Variants in DENND4C observed in about 807,000 individuals in gnomAD.
The protein encoded by DENND4C is DENN domain-containing protein 4C.
In DENND4C, 108 loss-of-function variants were observed where a neutral mutation model predicts 203.0. The observed-to-expected ratio is 0.53, with a 90% CI of 0.46 to 0.62. The LOEUF is 0.62. Among genes scored for constraint, DENND4C ranks in the 20% least tolerant of loss-of-function variants. The probability of loss-of-function intolerance (pLI) is 0.00; values close to 1 mark genes in which losing one functional copy is unlikely to be tolerated. For missense variants in DENND4C, 2,481 were observed against 2,301.2 expected, an observed-to-expected ratio of 1.08 and a Z score of -1.60; for synonymous variants, 871 against 792.4, an observed-to-expected ratio of 1.10 and a Z score of -1.67.
chr9:19,308,513 T>A (rs1588888668), intron 10 of DENND4C, among the ~76,000 whole-genome samples: 1 of 152,188 alleles, frequency 6.6e-6, no homozygotes, highest in East Asian at 1.9e-4. Flanking sequence ...TGTTAGATTG[T>A]TTGTCTTTTT....
chr9:19,287,037 T>C lies in DENND4C; in HGVS notation c.558+16T>C, dbSNP rs1262115860. The C allele has an allele frequency of 2.4e-6, 3 of 1,231,936 alleles. No homozygotes were observed. The highest frequency in any genetic ancestry group is 3.1e-5 in the African/African-American group (2 of 64,422). The allele number at this position is 1,231,936 out of a possible 1,614,324, so 76.3% of individuals were successfully genotyped here. On this transcript the variant is annotated intron_variant, in intron 3 of 32. Coordinates refer to ENST00000434457, the MANE Select transcript of DENND4C (RefSeq NM_001330640.2). ...TTGTGGAATGGTAAGAATAAAGTTTTCATCTTCAAAGTTTCATATGAAACC... is the reference window on the plus strand; with the variant it reads ...TTGTGGAATGGTAAGAATAAAGTTTCCATCTTCAAAGTTTCATATGAAACC...
intron 5 of DENND4C, chr9:19,291,543 A>C (rs2131178319): frequency 6.6e-6 from 1 of 152,250 alleles, no homozygotes; most frequent in Middle Eastern, 3.4e-3. Context: ...GTCTCTACTG[A>C]AAATACAAAA....
chr9:19,351,992 C>T, intron 24 of DENND4C, 81 bp from the exon 25 acceptor site: 3 of 1,083,036 alleles, frequency 2.8e-6, no homozygotes, highest in East Asian at 2.4e-5. Flanking sequence ...ATTCTGTGTC[C>T]CCCCTAAATA....
At chr9:19,252,577 G>C (rs1233620859) in intron 1 of DENND4C, among the ~76,000 whole-genome samples, 1 of 152,128 alleles carries the variant, frequency 6.6e-6, no homozygotes, top group East Asian at 1.9e-4. Flanking sequence ...GTGAGATCCT[G>C]TCTCTTAAAA....
At chr9:19,240,078 A>G (rs1320144473) in intron 1 of DENND4C, among the ~76,000 whole-genome samples, 3 of 152,160 alleles carry the variant, frequency 2.0e-5, no homozygotes, top group Admixed American at 6.6e-5. Flanking sequence ...TTTTTGCTGC[A>G]TGCACTTTGA....
Position 19,326,088 on chromosome 9 carries a change from A to T in DENND4C, c.2014A>T (p.Thr672Ser). 6.2e-7 allele frequency: 1 copy of T among 1,611,836 alleles called. No homozygotes were observed. Among genetic ancestry groups the T allele is most frequent in the East Asian group, 2.2e-5 (1 of 44,802 alleles). The change falls in exon 15 of 33, where the codon ACC becomes TCC. Residue 672 changes from threonine to serine, a missense_variant. Thr to Ser is a moderately conservative substitution (Grantham distance 58, BLOSUM62 1). Around this residue, in one of 3 missense-constraint regions of DENND4C, gnomAD observed 2,289 missense variants for 2,113.3 expected, o/e 1.08. Transcript: ENST00000434457. ...GGTTGATTTTGATTCAGCAGAAGAT[A>T]CCAGATTGATAGAACTAGATGATTC... ...DKVDFDSAED[T>S]RLIELDDSQK...
intron 22 of DENND4C, 101 bp from the exon 23 acceptor site, chr9:19,345,820 C>A: frequency 1.8e-6 from 2 of 1,087,732 alleles, no homozygotes; most frequent in Non-Finnish European, 2.5e-6. Flanking sequence ...ATCTTTTATT[C>A]TGAGTATATG....
Position 19,299,279 on chromosome 9 carries a change from A to G in DENND4C, c.1158A>G (p.Leu386=). 1.3e-6 allele frequency: 2 copies of G among 1,574,780 alleles called. No individual in the cohort carries two copies. Among genetic ancestry groups the G allele is most frequent in the East Asian group, 4.6e-5 (2 of 43,886 alleles). Residue 386 remains leucine (L), a synonymous_variant, in exon 8 of 33, where the codon TTA becomes TTG. Transcript: ENST00000434457. ...TATCACAGCCAGTTTCTACACCTTT[A>G]CCACTAAGGTAATTACTGGTATTTA... is the stretch of plus-strand genomic sequence containing the variant. ...LILSQPVSTP[L]PLSGANFSTL... is the part of the protein sequence containing the mutation.
At chr9:19,244,040 T>G (rs1342278302) in intron 1 of DENND4C, among the ~76,000 whole-genome samples, 1 of 152,014 alleles carries the variant, frequency 6.6e-6, no homozygotes, top group Non-Finnish European at 1.5e-5. Context: ...TCTTTTTTCT[T>G]CTTTTTTTGA....
intron 10 of DENND4C, among the ~76,000 whole-genome samples, chr9:19,308,150 C>T (rs565970992): frequency 1.2e-4 from 19 of 152,226 alleles, no homozygotes; most frequent in African/African-American, 4.1e-4. Context: ...CAAAGCTGTT[C>T]TGATCATCGT....
rs531358081 is a variant in DENND4C at position 19,372,807 on chromosome 9, T to C, written c.*634T>C. On this transcript the variant is annotated 3_prime_UTR_variant, in exon 33 of 33. Coordinates refer to ENST00000434457, the MANE Select transcript of DENND4C (RefSeq NM_001330640.2). ...GAACTGAGGCAGAGGCTACAGTGAG[T>C]GGAGATCACGCCACTGCAACTCCAG... 4 of 129,782 alleles carry C rather than the reference T, an allele frequency of 3.1e-5. No homozygotes were observed. Among genetic ancestry groups the C allele is most frequent in the African/African-American group, 1.2e-4 (4 of 32,718 alleles). 8.0% of individuals were successfully genotyped at this position (129,782 alleles called of 1,614,324 possible). A position where few individuals can be genotyped will look rare whatever the true frequency, so the allele number is the denominator to read the frequency against.
intron 21 of DENND4C, 21 bp downstream of exon 21, chr9:19,341,135 AACTTT>A (rs754299806): frequency 1.2e-5 from 19 of 1,579,256 alleles, no homozygotes; most frequent in Non-Finnish European, 1.6e-5. Flanking sequence ...GATATTTACG[AACTTT>A]ACTTAGAATA....
intron 23 of DENND4C, among the ~76,000 whole-genome samples, chr9:19,348,963 A>G (rs761436939): frequency 4.6e-5 from 7 of 152,156 alleles, no homozygotes; most frequent in African/African-American, 1.4e-4. Flanking sequence ...GTGCCCCACC[A>G]TGACTGCTAA....
At position 19,346,302 on chromosome 9, in the gene DENND4C, C is replaced by A; in HGVS notation, c.3533C>A (p.Pro1178Gln). ...WNPEHRSSPV[P>Q]EMLEESQELL... ...CCTGAGCACAGATCATCTCCGGTGC[C>A]AGAGATGCTTGAGGAAAGCCAAGAA... is the stretch of plus-strand genomic sequence containing the variant. Residue 1178 changes from proline to glutamine, a missense_variant, in exon 23 of 33, where the codon CCA (proline) becomes CAA (glutamine). Physicochemically the swap from Pro to Gln is moderately conservative, Grantham distance 76 (BLOSUM62 -1). This residue lies in a region of DENND4C where 2,289 missense variants were observed against 2,113.3 expected (regional missense o/e 1.08). Transcript: ENST00000434457. The A allele has an allele frequency of 1.2e-6, 2 of 1,614,116 alleles. No individual in the cohort carries two copies. The highest frequency in any genetic ancestry group is 1.7e-6 in the Non-Finnish European group (2 of 1,180,018).
chr9:19,299,709 A>G (rs1216292400), intron 8 of DENND4C, among the ~76,000 whole-genome samples: 1 of 152,126 alleles, frequency 6.6e-6, no homozygotes, highest in Non-Finnish European at 1.5e-5. Flanking sequence ...CTTTTTACTT[A>G]TCTTCCTTTA....
intron 2 of DENND4C, among the ~76,000 whole-genome samples, chr9:19,282,715 C>CTTTTTTTT (rs1554717864): frequency 5.8e-5 from 5 of 86,638 alleles, no homozygotes; most frequent in African/African-American, 1.8e-4. Context: ...TTTCTTCTCT[C>CTTTTTTTT]TTTTTTTTTT....
chr9:19,319,195 G>C (rs1384729470), intron 12 of DENND4C, among the ~76,000 whole-genome samples: 6 of 142,248 alleles, frequency 4.2e-5, no homozygotes, highest in South Asian at 2.2e-4. Flanking sequence ...ATATATACAC[G>C]TATATACACA....
intron 27 of DENND4C, 134 bp downstream of exon 27, chr9:19,357,288 CAT>C (rs1825640112): frequency 2.6e-6 from 2 of 774,974 alleles, no homozygotes; most frequent in Non-Finnish European, 4.1e-6. Context: ...CTTATTACCA[CAT>C]AGTGTTTAAC....
chr9:19,243,934 C>T (rs975142908), intron 1 of DENND4C, among the ~76,000 whole-genome samples: 2 of 152,210 alleles, frequency 1.3e-5, no homozygotes, highest in African/African-American at 4.8e-5. Flanking sequence ...CCTTAGCCTC[C>T]TGAGTAGCTG....
Sources: allele counts gnomAD v4.1 joint callset (sites outside exome capture counted in the v4.1 genomes callset), GRCh38; gene constraint gnomAD v4.1.1; regional missense constraint gnomAD v4.1.1; transcripts MANE v1.5; gene names NCBI Gene and HGNC (gene_info 2026-07-23, HGNC 2026-07-21).